The following TRAPPC11 variants were observed in gnomAD, a reference collection of about 807,000 sequenced individuals.
The protein encoded by TRAPPC11 is foie gras homolog.
TRAPPC11 carries 104 observed loss-of-function variants against 151.2 expected under a neutral mutation model. The ratio of observed to expected loss-of-function variants is 0.69; its 90% CI spans 0.59 to 0.81. The LOEUF is 0.81. Ranked by LOEUF, TRAPPC11 falls within the 30% of genes least tolerant of loss-of-function variation. TRAPPC11 has a pLI of 0.00. For missense variants in TRAPPC11, 1,230 were observed against 1,349.6 expected (o/e 0.91, Z 1.39); for synonymous variants, 456 against 472.3 (o/e 0.97, Z 0.45).
chr4:183,674,117 C>G (rs538763043), intron 5 of TRAPPC11, among the ~76,000 whole-genome samples: 4 of 151,972 alleles, frequency 2.6e-5, no homozygotes, highest in Non-Finnish European at 5.9e-5. Context: ...AGATTCCAAT[C>G]AAATTTTAGG....
At chr4:183,694,945 CTT>C (rs34556587) in intron 23 of TRAPPC11, among the ~76,000 whole-genome samples, 52 of 119,842 alleles carry the variant, frequency 4.3e-4, no homozygotes, top group Middle Eastern at 4.4e-3. Flanking sequence ...TATGGCTTTT[CTT>C]TTTTTTTTTT....
intron 5 of TRAPPC11, among the ~76,000 whole-genome samples, chr4:183,671,331 G>A (rs1053270637): frequency 6.6e-6 from 1 of 152,124 alleles, no homozygotes; most frequent in Middle Eastern, 3.2e-3. Context: ...AATTGGAACT[G>A]CTGTAAGCAT....
chr4:183,673,198 G>T (rs1045272576), intron 5 of TRAPPC11, among the ~76,000 whole-genome samples: 47 of 151,872 alleles, frequency 3.1e-4, no homozygotes, highest in Non-Finnish European at 1.5e-4. Context: ...TCCTGACCTC[G>T]TGATCCGCCT....
intron 4 of TRAPPC11, 43 bp from the exon 5 acceptor site, chr4:183,667,960 A>T: frequency 8.4e-7 from 1 of 1,191,902 alleles, no homozygotes; most frequent in Non-Finnish European, 1.2e-6. Flanking sequence ...AAGCTACATT[A>T]GTTATTTTAT....
rs1375433537 is a variant in TRAPPC11 at position 183,664,046 on chromosome 4, A to G, written c.179A>G (p.His60Arg). The G allele has an allele frequency of 1.6e-5, 26 of 1,613,292 alleles. No individual in the cohort carries two copies. The highest frequency in any genetic ancestry group is 2.1e-5 in the Non-Finnish European group (25 of 1,180,018). The stretch of plus-strand genomic sequence containing the variant: ...TCTTTCAAGGTGCTCCCAGGTGACC[A>G]TGAGTATCCCAAATGTAGACCCAAG... ...PISFKVLPGD[H>R]EYPKCRPKRT... The change falls in exon 2 of 30, where the codon CAT becomes CGT. Residue 60 changes from histidine to arginine, a missense_variant. Transcript: ENST00000334690.
chr4:183,708,718 G>A (rs1239678115), intron 29 of TRAPPC11, 144 bp downstream of exon 29: 2 of 664,688 alleles, frequency 3.0e-6, no homozygotes, highest in Non-Finnish European at 4.9e-6. Context: ...CAGTATTGCT[G>A]TTCATTTCTA....
Position 183,691,337 on chromosome 4 carries a change from AT to A in TRAPPC11, c.1916del (p.Ile639LysfsTer11). 1 of 1,553,670 alleles carries A rather than the reference AT, an allele frequency of 6.4e-7. No individual in the cohort carries two copies. The highest frequency in any genetic ancestry group is 1.7e-4 in the Middle Eastern group (1 of 5,814). On this transcript the variant is annotated frameshift_variant, in exon 19 of 30. Coordinates refer to ENST00000334690, the MANE Select transcript of TRAPPC11 (RefSeq NM_021942.6). LOFTEE classifies it high-confidence loss of function. ...NNQEYNQFCV[I>X]EEASKANEVL... Reference sequence around the variant, plus strand: ...TCAGGAATACAACCAGTTCTGTGTAATAGAAGAAGCATCCAAAGCAAATGAA... The same window carrying A: ...TCAGGAATACAACCAGTTCTGTGTAAAGAAGAAGCATCCAAAGCAAATGAA...
rs375555108 is a variant in TRAPPC11 at position 183,694,801 on chromosome 4, A to C, written c.2628+78A>C. ...TGTGTTATTTTAGTTTACCTATAAA[A>C]TAAGCATAAAATAAGCAGTTTAGGT... On this transcript the variant is annotated intron_variant, in intron 23 of 29. Coordinates refer to ENST00000334690, the MANE Select transcript of TRAPPC11 (RefSeq NM_021942.6). 61 of 1,062,022 alleles carry C rather than the reference A, an allele frequency of 5.7e-5. 1 individual carries two copies. The highest frequency in any genetic ancestry group is 1.8e-4 in the South Asian group (12 of 66,620). The allele number at this position is 1,062,022 out of a possible 1,614,324, so 65.8% of individuals were successfully genotyped here. A position where few individuals can be genotyped will look rare whatever the true frequency, so the allele number is the denominator to read the frequency against.
In TRAPPC11 at chr4:183,675,235, G is replaced by A. The variant is rs1465144349; in HGVS notation, c.732G>A (p.Leu244=). 1.3e-6 allele frequency: 2 copies of A among 1,528,056 alleles called. No individual in the cohort carries two copies. Among genetic ancestry groups the A allele is most frequent in the Non-Finnish European group, 8.8e-7 (1 of 1,133,596 alleles). 94.7% of individuals were successfully genotyped at this position (1,528,056 alleles called of 1,614,324 possible). A position where few individuals can be genotyped will look rare whatever the true frequency, so the allele number is the denominator to read the frequency against. ...TGAAACAAGATACACAAAATGCGCT[G>A]AAGTAAGTTAAGCTTTCAAACTAAA... ...SELKQDTQNA[L]KNYRTAYNLV... The change falls in exon 7 of 30, where the codon CTG becomes CTA. Residue 244 remains leucine (L), a splice_region_variant and synonymous_variant. Transcript: ENST00000334690.
rs906869337 is a variant in TRAPPC11 at position 183,693,397 on chromosome 4, G to C, written c.2238-192G>C. Reference sequence around the variant, plus strand: ...TTTTTGTATTTTTTCTAGAGATGAGGGTCTTACTATGCTGCCCAGCCTTGT... The same window carrying C: ...TTTTTGTATTTTTTCTAGAGATGAGCGTCTTACTATGCTGCCCAGCCTTGT... On this transcript the variant is annotated intron_variant, in intron 20 of 29. Coordinates refer to ENST00000334690, the MANE Select transcript of TRAPPC11 (RefSeq NM_021942.6). 3.9e-5 allele frequency among the ~76,000 whole-genome samples: 6 copies of C among 151,954 alleles called. No homozygotes were observed. In the South Asian group the frequency reaches 6.2e-4, roughly 16 times the overall value.
At chr4:183,694,135 T>A in intron 22 of TRAPPC11, 97 bp downstream of exon 22, 2 of 1,293,000 alleles carry the variant, frequency 1.5e-6, no homozygotes, top group African/African-American at 3.0e-5. Context: ...TTAACGCATA[T>A]TCTAGGACTG....
intron 22 of TRAPPC11, 152 bp downstream of exon 22, chr4:183,694,190 C>A: frequency 3.6e-6 from 3 of 830,210 alleles, no homozygotes; most frequent in Admixed American, 2.9e-5. Flanking sequence ...ATTTTACATA[C>A]GTAAATGTGT....
intron 10 of TRAPPC11, among the ~76,000 whole-genome samples, chr4:183,680,732 T>C (rs1461943482): frequency 7.5e-6 from 1 of 133,244 alleles, no homozygotes; most frequent in East Asian, 2.5e-4. Context: ...TTGCCCAGGC[T>C]AGAGTGCAGT....
chr4:183,698,104 AT>A (rs1362865474), intron 25 of TRAPPC11, among the ~76,000 whole-genome samples: 6 of 151,386 alleles, frequency 4.0e-5, no homozygotes, highest in South Asian at 4.2e-4. Context: ...CACAAAAAGA[AT>A]TTTTTTTTCA....
In TRAPPC11 at chr4:183,697,754, G is replaced by A; in HGVS notation, c.2770G>A (p.Ala924Thr). 1.2e-6 allele frequency: 2 copies of A among 1,614,074 alleles called. No individual in the cohort carries two copies. Among genetic ancestry groups the A allele is most frequent in the Non-Finnish European group, 1.7e-6 (2 of 1,180,026 alleles). The change falls in exon 25 of 30, where the codon GCC becomes ACC. Residue 924 changes from alanine (A) to threonine (T), a missense_variant. Ala to Thr is a moderately conservative substitution (Grantham distance 58). Coordinates refer to ENST00000334690, the MANE Select transcript of TRAPPC11 (RefSeq NM_021942.6). The stretch of plus-strand genomic sequence containing the variant: ...GGACCTCTTAAGTGCCTCACCCTGG[G>A]CCCTCACTATTGTTTCCAGTGAGCT... ...MTDLLSASPW[A>T]LTIVSSELQL...
At chr4:183,665,257 G>C (rs1419581170) in intron 2 of TRAPPC11, among the ~76,000 whole-genome samples, 1 of 151,956 alleles carries the variant, frequency 6.6e-6, no homozygotes. Context: ...ACCACGTCCA[G>C]CTAATTTTCT....
intron 29 of TRAPPC11, among the ~76,000 whole-genome samples, chr4:183,710,091 G>C (rs796319445): frequency 2.8e-4 from 43 of 152,266 alleles, no homozygotes; most frequent in African/African-American, 8.4e-4. Context: ...GAAATAGCTT[G>C]TTTGAAATAC....
chr4:183,706,799 C>T lies in TRAPPC11; in HGVS notation c.3056-8C>T. 6.2e-7 allele frequency: 1 copy of T among 1,607,616 alleles called. No individual in the cohort carries two copies. Among genetic ancestry groups the T allele is most frequent in the Non-Finnish European group, 8.5e-7 (1 of 1,175,988 alleles). ...AAACCAAGAGAAGTGTGTCATCTTTCTCTGTAGATCTGCCGTCATTTGGGC... is the reference window on the plus strand; with the variant it reads ...AAACCAAGAGAAGTGTGTCATCTTTTTCTGTAGATCTGCCGTCATTTGGGC... On this transcript the variant is annotated splice_polypyrimidine_tract_variant and splice_region_variant and intron_variant, in intron 27 of 29. Coordinates refer to ENST00000334690, the MANE Select transcript of TRAPPC11 (RefSeq NM_021942.6).
intron 5 of TRAPPC11, among the ~76,000 whole-genome samples, chr4:183,669,802 C>T (rs984386856): frequency 1.3e-5 from 2 of 152,200 alleles, no homozygotes; most frequent in Admixed American, 6.5e-5. Flanking sequence ...CCTACCTTAA[C>T]CATCAGTGAT....
Sources: gnomAD v4.1 joint callset for allele counts (sites outside exome capture counted in the v4.1 genomes callset) on GRCh38, gnomAD v4.1.1 for gene constraint, MANE v1.5 for transcripts, NCBI Gene and HGNC (gene_info 2026-07-23, HGNC 2026-07-21) for gene names.